The following KIF5C variants were observed in gnomAD, a reference collection of about 807,000 sequenced individuals.
KIF5C encodes kinesin family member 5C.
Under a neutral mutation model 125.2 loss-of-function variants are expected in KIF5C, and 18 were observed. The ratio of observed to expected loss-of-function variants is 0.14; its 90% CI spans 0.10 to 0.21. The LOEUF (loss-of-function observed/expected upper bound fraction) is 0.21. Ranked by LOEUF, KIF5C falls within the 10% of genes least tolerant of loss-of-function variation. The probability of loss-of-function intolerance (pLI) is 1.00; values close to 1 mark genes in which losing one functional copy is unlikely to be tolerated. For synonymous variants in KIF5C, 405 were observed against 434.0 expected, an observed-to-expected ratio of 0.93 and a Z score of 0.83; for missense variants, 780 against 1,183.8, an observed-to-expected ratio of 0.66 and a Z score of 5.01.
chr2:148,933,495 A>C (rs901170083), intron 3 of KIF5C, among the ~76,000 whole-genome samples: 11 of 151,584 alleles, frequency 7.3e-5, no homozygotes, highest in African/African-American at 2.2e-4. Flanking sequence ...TATGCACACC[A>C]CGCACATATA....
chr2:149,015,363 T>C (rs1045230554), intron 25 of KIF5C, among the ~76,000 whole-genome samples: 10 of 152,226 alleles, frequency 6.6e-5, no homozygotes, highest in African/African-American at 2.4e-4. Flanking sequence ...ATGGAATTCA[T>C]TGCTTAGATG....
intron 16 of KIF5C, 59 bp downstream of exon 16, chr2:148,991,257 TG>T: frequency 6.4e-7 from 1 of 1,556,462 alleles, no homozygotes; most frequent in South Asian, 1.2e-5. Flanking sequence ...GCTCCCTCCA[TG>T]CCCTTGCTGG....
At chr2:148,888,399 A>C (rs1681612189) in intron 1 of KIF5C, 1 of 152,226 alleles carries the variant, frequency 6.6e-6, no homozygotes, top group South Asian at 2.1e-4. Context: ...CCCGCAGGAC[A>C]AAAGCGCCCA....
At chr2:148,899,461 G>A (rs1366879674) in intron 1 of KIF5C, among the ~76,000 whole-genome samples, 1 of 152,094 alleles carries the variant, frequency 6.6e-6, no homozygotes, top group Non-Finnish European at 1.5e-5. Flanking sequence ...CAGCACTTTG[G>A]GAGGCTGAGG....
At chr2:148,957,460 A>G (rs142546547) in intron 10 of KIF5C, among the ~76,000 whole-genome samples, 5 of 152,138 alleles carry the variant, frequency 3.3e-5, no homozygotes, top group Non-Finnish European at 5.9e-5. Flanking sequence ...TGATGGTAAA[A>G]AGAAAAAGAA....
intron 14 of KIF5C, 60 bp downstream of exon 14, chr2:148,981,621 T>G: frequency 6.7e-7 from 1 of 1,499,090 alleles, no homozygotes; most frequent in Non-Finnish European, 8.9e-7. Flanking sequence ...GTACTCATAT[T>G]GATATTCATT....
At chr2:148,951,117 G>A (rs939119929) in intron 10 of KIF5C, among the ~76,000 whole-genome samples, 2 of 152,186 alleles carry the variant, frequency 1.3e-5, no homozygotes, top group African/African-American at 4.8e-5. Context: ...TTTCAAGTGT[G>A]TAAATCTCAA....
intron 1 of KIF5C, among the ~76,000 whole-genome samples, chr2:148,896,842 T>TC (rs397986207): frequency 3.3e-5 from 5 of 149,752 alleles, no homozygotes; most frequent in South Asian, 2.2e-4. Flanking sequence ...TCTCTCTCTC[T>TC]TTCTTTCTGA....
chr2:148,914,954 G>A (rs538506072), intron 1 of KIF5C, among the ~76,000 whole-genome samples: 1 of 152,326 alleles, frequency 6.6e-6, no homozygotes, highest in African/African-American at 2.4e-5. Context: ...AGTAGACCCT[G>A]GAGAGGGTAT....
rs1374974407 is a variant in KIF5C, at chr2:148,983,737, G to A, written c.1687G>A (p.Gly563Arg). The A allele has an allele frequency of 1.2e-6, 2 of 1,609,362 alleles. No individual in the cohort carries two copies. The highest frequency in any genetic ancestry group is 1.7e-6 in the Non-Finnish European group (2 of 1,177,628). Reference protein sequence around the residue: ...LLLKDLGEIGGIIGTNDVKTL... With the variant: ...LLLKDLGEIGRIIGTNDVKTL... ...GTTGAAAGATCTGGGGGAGATAGGT[G>A]GAATTATTGGCACCAATGATGTGAA... Residue 563 changes from glycine (G) to arginine (R), a missense_variant, in exon 15 of 26, where the codon GGA becomes AGA. Coordinates refer to ENST00000435030, the MANE Select transcript of KIF5C (RefSeq NM_004522.3).
chr2:148,883,724 G>A (rs1194531026), intron 1 of KIF5C: 1 of 152,092 alleles, frequency 6.6e-6, no homozygotes, highest in East Asian at 1.9e-4. Flanking sequence ...TCTAAAAGTT[G>A]CATATAATTT....
intron 21 of KIF5C, among the ~76,000 whole-genome samples, chr2:149,003,207 T>C (rs1321378688): frequency 1.3e-5 from 2 of 152,256 alleles, no homozygotes; most frequent in African/African-American, 4.8e-5. Context: ...TAAATGTTCT[T>C]CAGAAATAGA....
Position 148,994,507 on chromosome 2 carries a change from C to T in KIF5C, c.1992C>T (p.Leu664=), listed in dbSNP as rs1163033543. ...RRQLEESQDS[L]SEELAKLRAQ... is the part of the protein sequence containing the mutation. ...AGCTAGAAGAGTCCCAGGACTCGCT[C>T]AGCGAAGAGCTGGCAAAGCTCCGAG... Residue 664 remains leucine, a synonymous_variant, in exon 17 of 26, where the codon CTC becomes CTT. Coordinates refer to ENST00000435030, the MANE Select transcript of KIF5C (RefSeq NM_004522.3). 22 of 1,569,156 alleles carry T rather than the reference C, an allele frequency of 1.4e-5. No individual in the cohort carries two copies. The highest frequency in any genetic ancestry group is 1.9e-5 in the Non-Finnish European group (22 of 1,157,234).
At chr2:149,010,055 A>C (rs1251421015) in intron 23 of KIF5C, 80 bp from the exon 24 acceptor site, 1 of 1,466,234 alleles carries the variant, frequency 6.8e-7, no homozygotes, top group Non-Finnish European at 9.1e-7. Flanking sequence ...GTTCAGCAGC[A>C]GGGGCTGCTT....
chr2:148,885,184 C>T (rs934002707), intron 1 of KIF5C, among the ~76,000 whole-genome samples: 9 of 152,144 alleles, frequency 5.9e-5, no homozygotes, highest in African/African-American at 2.2e-4. Context: ...CGGGGTTTCA[C>T]CATGTTGCCC....
Position 148,941,944 on chromosome 2 carries a change from C to T in KIF5C, c.455C>T (p.Thr152Ile). 1 of 1,611,968 alleles carries T rather than the reference C, an allele frequency of 6.2e-7. No individual in the cohort carries two copies. Among genetic ancestry groups the T allele is most frequent in the African/African-American group, 1.3e-5 (1 of 74,980 alleles). The change falls in exon 6 of 26, where the codon ACC (threonine) becomes ATC (isoleucine). Residue 152 changes from threonine to isoleucine, a missense_variant. Around this residue, in one of 2 missense-constraint regions of KIF5C, gnomAD observed 207 missense variants for 441.2 expected, o/e 0.47. Coordinates refer to ENST00000435030, the MANE Select transcript of KIF5C (RefSeq NM_004522.3). ...KIRDLLDVSKTNLAVHEDKNR... is the reference protein window; with the variant it reads ...KIRDLLDVSKINLAVHEDKNR... ...ATTCTCATCTTTTTAGTATCCAAGA[C>T]CAACTTGGCTGTTCATGAAGATAAA...
chr2:148,983,792 T>G (rs758225775), intron 15 of KIF5C, 26 bp downstream of exon 15: 4 of 1,567,808 alleles, frequency 2.6e-6, no homozygotes, highest in Non-Finnish European at 3.5e-6. Flanking sequence ...TTTTATCCTC[T>G]CTACCTGCTC....
intron 3 of KIF5C, among the ~76,000 whole-genome samples, chr2:148,934,133 A>C (rs1682236515): frequency 6.6e-6 from 1 of 151,480 alleles, no homozygotes; most frequent in East Asian, 1.9e-4. Context: ...CTGCACACGC[A>C]TACATCATAC....
intron 20 of KIF5C, 41 bp from the exon 21 acceptor site, chr2:149,000,681 G>T: frequency 6.2e-7 from 1 of 1,607,858 alleles, no homozygotes; most frequent in Non-Finnish European, 8.5e-7. Context: ...TGAAATCTCT[G>T]AGTCCCCTGT....
Sources: gnomAD v4.1 joint callset for allele counts (sites outside exome capture counted in the v4.1 genomes callset) on GRCh38, gnomAD v4.1.1 for gene constraint, gnomAD v4.1.1 regional missense constraint, MANE v1.5 for transcripts, NCBI Gene and HGNC (gene_info 2026-07-23, HGNC 2026-07-21) for gene names.